Variants in DHX34 observed in about 807,000 individuals in gnomAD.
DHX34 encodes the protein probable ATP-dependent RNA helicase DHX34.
Under a neutral mutation model 111.1 loss-of-function variants are expected in DHX34, and 96 were observed. That is an observed-to-expected ratio of 0.86 (90% CI 0.73 to 1.02). The LOEUF (loss-of-function observed/expected upper bound fraction) is 1.02. DHX34 is among the 50% of genes least tolerant of loss of function. DHX34 has a pLI of 0.00. For synonymous variants in DHX34, 688 were observed against 670.4 expected (o/e 1.03, Z -0.41); for missense variants, 1,560 against 1,579.9 (o/e 0.99, Z 0.21).
intron 13 of DHX34, among the ~76,000 whole-genome samples, chr19:47,377,785 A>G (rs534555208): frequency 3.4e-4 from 52 of 152,022 alleles, no homozygotes; most frequent in African/African-American, 1.2e-3. Context: ...GGTCCCAGCC[A>G]GGAGGGCTGG....
In DHX34 at chr19:47,353,432, C is replaced by T. The variant is rs768564171; in HGVS notation, c.402C>T (p.Arg134=). 1.2e-6 allele frequency: 2 copies of T among 1,614,208 alleles called. No homozygotes were observed. The highest frequency in any genetic ancestry group is 2.2e-5 in the East Asian group (1 of 44,888). The change falls in exon 2 of 17, where the codon CGC becomes CGT. Residue 134 remains arginine (R), a synonymous_variant. Coordinates refer to ENST00000328771, the MANE Select transcript of DHX34 (RefSeq NM_014681.6). The surrounding 1 kb of genome is among the most constrained non-coding windows in gnomAD (Gnocchi z 4.6). ...HLPAERVAEF[R]RALLHYLDFG... ...CCGCGGAGAGAGTGGCTGAGTTCCG[C>T]CGAGCCCTGTTGCACTACCTGGACT...
Position 47,371,392 on chromosome 19 carries a change from G to C in DHX34, c.1769-1338G>C, listed in dbSNP as rs191508006. On this transcript the variant is annotated intron_variant, in intron 7 of 16. Coordinates refer to ENST00000328771, the MANE Select transcript of DHX34 (RefSeq NM_014681.6). Reference sequence around the variant, plus strand: ...GGTGGAGTTCTGAACGCTTCACAGGGTGAAACACAAAGCATCCTCTTGGCA... The same window carrying C: ...GGTGGAGTTCTGAACGCTTCACAGGCTGAAACACAAAGCATCCTCTTGGCA... 2.1e-3 allele frequency among the ~76,000 whole-genome samples: 316 copies of C among 152,322 alleles called. 3 individuals are homozygous for C. The highest frequency in any genetic ancestry group is 3.7e-3 in the Admixed American group (57 of 15,296).
At position 47,376,076 on chromosome 19, in the gene DHX34, C is replaced by A; in HGVS notation, c.2460C>A (p.Ser820Arg). Residue 820 changes from serine to arginine, a missense_variant, in exon 11 of 17, where the codon AGC (serine) becomes AGA (arginine). By Grantham distance (110) the Ser-to-Arg change is moderately radical. Transcript: ENST00000328771. ...TGGCCGTCCCCGACGCCTTCAACAGCAGCCGAAAGGACTCAGACCAGGTGG... is the reference window on the plus strand; with the variant it reads ...TGGCCGTCCCCGACGCCTTCAACAGAAGCCGAAAGGACTCAGACCAGGTGG... ...PQLAVPDAFN[S>R]SRKDSDQIFH... 6.4e-7 allele frequency: 1 copy of A among 1,569,328 alleles called. No individual in the cohort carries two copies. The highest frequency in any genetic ancestry group is 2.0e-5 in the Admixed American group (1 of 49,786).
chr19:47,376,333 A>T, intron 11 of DHX34, 110 bp from the exon 12 acceptor site: 1 of 1,536,912 alleles, frequency 6.5e-7, no homozygotes, highest in Non-Finnish European at 8.7e-7. Context: ...TGGAGGAGTC[A>T]GGGAGGGCTT....
At position 47,362,681 on chromosome 19, in the gene DHX34, G is replaced by A. The variant is rs756630071; in HGVS notation, c.1581G>A (p.Ser527=). The change falls in exon 6 of 17, where the codon TCG becomes TCA. Residue 527 remains serine, a synonymous_variant. Transcript: ENST00000328771. ...AAATTCGGAGGGTGGCCCTGGACTC[G>A]TTGGTGCTGCAGGTGAGGCATGGGC... is the stretch of plus-strand genomic sequence containing the variant. The part of the protein sequence containing the change: ...VPEIRRVALD[S]LVLQMKSMSV... 3 of 1,612,210 alleles carry A rather than the reference G, an allele frequency of 1.9e-6. No individual in the cohort carries two copies. Among genetic ancestry groups the A allele is most frequent in the East Asian group, 2.2e-5 (1 of 44,788 alleles).
At chr19:47,360,357 A>G (rs1422435131) in intron 5 of DHX34, among the ~76,000 whole-genome samples, 1 of 152,134 alleles carries the variant, frequency 6.6e-6, no homozygotes, top group Non-Finnish European at 1.5e-5. Context: ...AACATTTCAG[A>G]TTTTCGAGCA....
chr19:47,370,894 G>C (rs1397727846), intron 7 of DHX34, among the ~76,000 whole-genome samples: 1 of 152,150 alleles, frequency 6.6e-6, no homozygotes. Context: ...GGCTAGTCTT[G>C]AACTCCTGAC....
chr19:47,355,084 AAGATTGTATTCCT>A lies in DHX34; in HGVS notation c.752_764del (p.Lys251ArgfsTer22), dbSNP rs775923516. The A allele has an allele frequency of 7.5e-6, 12 of 1,609,860 alleles. No homozygotes were observed. Among genetic ancestry groups the A allele is most frequent in the Non-Finnish European group, 9.3e-6 (11 of 1,178,650 alleles). Reference sequence around the variant, plus strand: ...TGAGAGCACACGTTCGGCGGCCACCAAGATTGTATTCCTGACAGTGGGGCTGCTCCTGCGACAA... The same window carrying A: ...TGAGAGCACACGTTCGGCGGCCACCAGACAGTGGGGCTGCTCCTGCGACAA... On this transcript the variant is annotated frameshift_variant, in exon 3 of 17. Transcript: ENST00000328771. LOFTEE classifies it high-confidence loss of function.
chr19:47,373,466 G>T, intron 8 of DHX34, 133 bp from the exon 9 acceptor site: 7 of 1,454,392 alleles, frequency 4.8e-6, no homozygotes, highest in Non-Finnish European at 6.3e-6. Context: ...AGGGGGCACT[G>T]GGGCTGAGAC....
chr19:47,373,519 G>C (rs1970034503), intron 8 of DHX34, 80 bp from the exon 9 acceptor site: 2 of 1,532,072 alleles, frequency 1.3e-6, no homozygotes, highest in Admixed American at 4.1e-5. Flanking sequence ...TGCCCATTTT[G>C]GGGCTCTGGG....
chr19:47,358,627 C>G (rs1212594871), intron 4 of DHX34, among the ~76,000 whole-genome samples: 1 of 149,816 alleles, frequency 6.7e-6, no homozygotes, highest in Non-Finnish European at 1.5e-5. Flanking sequence ...ATTTTTTTTT[C>G]TTTTTGGGAC....
At chr19:47,370,208 G>A (rs1159021331) in intron 7 of DHX34, among the ~76,000 whole-genome samples, 1 of 152,184 alleles carries the variant, frequency 6.6e-6, no homozygotes, top group Non-Finnish European at 1.5e-5. Context: ...AGGCTCTCTC[G>A]CTTGGATTCC....
chr19:47,351,102 A>T (rs1273615541), intron 1 of DHX34, among the ~76,000 whole-genome samples: 2 of 149,870 alleles, frequency 1.3e-5, no homozygotes, highest in East Asian at 2.0e-4. Flanking sequence ...GAGGAGCGGG[A>T]TGCTGTCAGT....
At chr19:47,357,279 A>G (rs1969485615) in intron 3 of DHX34, among the ~76,000 whole-genome samples, 1 of 152,202 alleles carries the variant, frequency 6.6e-6, no homozygotes, top group African/African-American at 2.4e-5. Flanking sequence ...TTGTAAGTAT[A>G]TAGCTTAATT....
At chr19:47,351,180 T>C (rs994637042) in intron 1 of DHX34, among the ~76,000 whole-genome samples, 24 of 116,868 alleles carry the variant, frequency 2.1e-4, no homozygotes, top group South Asian at 2.9e-4. Flanking sequence ...TCTTTTTTTT[T>C]TTTTTTTTTT....
In DHX34 at chr19:47,353,484, C is replaced by T; in HGVS notation, c.454C>T (p.Leu152=). The change falls in exon 2 of 17, where the codon CTG becomes TTG. Residue 152 remains leucine (L), a synonymous_variant. Transcript: ENST00000328771. This position sits in a 1 kb window ranked among gnomAD's most constrained non-coding sequence, Gnocchi z 4.6. ...TGGCCAGAAGCAGGCATTTGGGCGT[C>T]TGGCCAAGCTGCAGCGTGAGCGGGC... ...DFGQKQAFGR[L]AKLQRERAAL... 6.2e-7 allele frequency: 1 copy of T among 1,614,072 alleles called. No homozygotes were observed. Among genetic ancestry groups the T allele is most frequent in the Non-Finnish European group, 8.5e-7 (1 of 1,180,022 alleles).
Position 47,375,680 on chromosome 19 carries a change from C to A in DHX34, c.2279C>A (p.Pro760Gln). The change falls in exon 10 of 17, where the codon CCA (proline) becomes CAA (glutamine). Residue 760 changes from proline to glutamine, a missense_variant. Transcript: ENST00000328771. ...GAGGACAGGGCTGGCCCAGCCCCCCCAGGGGCCAGTGATGGCGTGGACATC... is the reference window on the plus strand; with the variant it reads ...GAGGACAGGGCTGGCCCAGCCCCCCAAGGGGCCAGTGATGGCGTGGACATC... ...SDEDRAGPAP[P>Q]GASDGVDIQD... 6.4e-7 allele frequency: 1 copy of A among 1,557,786 alleles called. No individual in the cohort carries two copies. The highest frequency in any genetic ancestry group is 1.8e-4 in the Middle Eastern group (1 of 5,632).
chr19:47,356,359 C>T (rs1334853973), intron 3 of DHX34, among the ~76,000 whole-genome samples: 5 of 151,950 alleles, frequency 3.3e-5, no homozygotes, highest in Admixed American at 2.0e-4. Flanking sequence ...GGGTCGGGCA[C>T]GGTGGCTGGT....
In DHX34 at chr19:47,381,230, C is replaced by G. The variant is rs1275389577; in HGVS notation, c.3204C>G (p.Thr1068=). 6.2e-7 allele frequency: 1 copy of G among 1,614,104 alleles called. No homozygotes were observed. The part of the protein sequence containing the change: ...LYSDCLRTFW[T]CPHCGLHAPL... Reference sequence around the variant, plus strand: ...GCGACTGTCTCCGAACCTTCTGGACCTGCCCCCACTGTGGCCTGCATGCGC... The same window carrying G: ...GCGACTGTCTCCGAACCTTCTGGACGTGCCCCCACTGTGGCCTGCATGCGC... Residue 1068 remains threonine, a synonymous_variant, in exon 16 of 17, where the codon ACC becomes ACG. Coordinates refer to ENST00000328771, the MANE Select transcript of DHX34 (RefSeq NM_014681.6).
Sources: allele counts gnomAD v4.1 joint callset (sites outside exome capture counted in the v4.1 genomes callset), GRCh38; gene constraint gnomAD v4.1.1; non-coding constraint Gnocchi (gnomAD v3.1); transcripts MANE v1.5; gene names NCBI Gene and HGNC (gene_info 2026-07-23, HGNC 2026-07-21).